The following TRIM29 variants were observed in gnomAD, a reference collection of about 807,000 sequenced individuals.
TRIM29 encodes the protein tripartite motif-containing protein 29.
A neutral mutation model predicts 57.3 loss-of-function variants in TRIM29; 52 were observed. That is an observed-to-expected ratio of 0.91 (90% CI 0.73 to 1.14). The LOEUF (loss-of-function observed/expected upper bound fraction) is 1.14. TRIM29 is among the 50% of genes most tolerant of loss of function. The probability of loss-of-function intolerance (pLI) is 0.00; values close to 1 mark genes in which losing one functional copy is unlikely to be tolerated. For synonymous variants in TRIM29, 319 were observed against 316.9 expected (o/e 1.01, Z -0.07); for missense variants, 753 against 774.6 (o/e 0.97, Z 0.33).
intron 5 of TRIM29, 195 bp from the exon 6 acceptor site, chr11:120,120,860 A>G (rs927828738): frequency 6.6e-5 from 45 of 681,090 alleles, no homozygotes; most frequent in African/African-American, 6.5e-4. Flanking sequence ...GGACTCTGTT[A>G]GTAACCGTGC....
intron 6 of TRIM29, among the ~76,000 whole-genome samples, chr11:120,120,176 G>A (rs977811960): frequency 5.0e-5 from 6 of 120,342 alleles, no homozygotes; most frequent in Non-Finnish European, 7.7e-5. Flanking sequence ...TACTTGTGGG[G>A]GGGGTGGCGC....
intron 6 of TRIM29, among the ~76,000 whole-genome samples, chr11:120,120,080 C>A (rs551324254): frequency 6.6e-6 from 1 of 152,204 alleles, no homozygotes; most frequent in South Asian, 2.1e-4. Flanking sequence ...CCAGTCACAG[C>A]CAAGTTGACA....
Position 120,122,909 on chromosome 11 carries a change from G to A in TRIM29, c.1435+45C>T, listed in dbSNP as rs745483912. The A allele has an allele frequency of 1.4e-5, 22 of 1,567,674 alleles. No individual in the cohort carries two copies. The South Asian group carries it at 1.6e-4, about 11-fold the overall frequency. ...CTGCACGGACTTTGGGGGCCCCTGG[G>A]CAGCAGGAGAGACACTAGGTCTGGG... On this transcript the variant is annotated intron_variant, in intron 5 of 8. Transcript: ENST00000341846.
rs1473480960 is a variant in TRIM29 at position 120,112,232 on chromosome 11, T to G, written c.*182A>C. 2 of 591,776 alleles carry G rather than the reference T, an allele frequency of 3.4e-6. No individual in the cohort carries two copies. Among genetic ancestry groups the G allele is most frequent in the Non-Finnish European group, 5.9e-6 (2 of 339,232 alleles). The allele number at this position is 591,776 out of a possible 1,614,324, so 36.7% of individuals were successfully genotyped here. ...AGGCAGGAAAGGAGTCTGAATGGAG[T>G]GTGGCCAGTGGGGAAGTCGGAGAGG... On this transcript the variant is annotated 3_prime_UTR_variant, in exon 9 of 9. Coordinates refer to ENST00000341846, the MANE Select transcript of TRIM29 (RefSeq NM_012101.4).
At chr11:120,118,166 C>G (rs974565182) in intron 7 of TRIM29, 57 bp downstream of exon 7, 120 of 1,500,632 alleles carry the variant, frequency 8.0e-5, no homozygotes, top group Non-Finnish European at 1.0e-4. Flanking sequence ...CCAAGCAGGG[C>G]TTGGGAGGTG....
intron 8 of TRIM29, chr11:120,113,727 G>A (rs1863196612): frequency 2.2e-6 from 1 of 455,864 alleles, no homozygotes; most frequent in Non-Finnish European, 4.4e-6. Flanking sequence ...AGCAGAGCCT[G>A]GACCAGGTCT....
At position 120,111,476 on chromosome 11, in the gene TRIM29, G is replaced by C. The variant is rs2075893290; in HGVS notation, c.*938C>G. On this transcript the variant is annotated 3_prime_UTR_variant, in exon 9 of 9. Transcript: ENST00000341846. Reference sequence around the variant, plus strand: ...TGAGCACCCTGATATGCAACATGGGGGGTAATCAGAAGGAGGAGGCAGCCT... The same window carrying C: ...TGAGCACCCTGATATGCAACATGGGCGGTAATCAGAAGGAGGAGGCAGCCT... The C allele has an allele frequency of 6.6e-6, 1 of 152,290 alleles. No individual in the cohort carries two copies. The highest frequency in any genetic ancestry group is 2.1e-4 in the South Asian group (1 of 4,824). The allele number at this position is 152,290 out of a possible 1,614,324, so 9.4% of individuals were successfully genotyped here.
At chr11:120,115,936 C>G (rs1863256437) in intron 7 of TRIM29, 1 of 158,276 alleles carries the variant, frequency 6.3e-6, no homozygotes, top group African/African-American at 2.4e-5. Flanking sequence ...TGAGCCTGGC[C>G]CCGTATCTAT....
intron 6 of TRIM29, 54 bp downstream of exon 6, chr11:120,120,519 G>A: frequency 6.5e-7 from 1 of 1,538,128 alleles, no homozygotes; most frequent in Admixed American, 1.8e-5. Context: ...TGCCCCTCCT[G>A]CCTGCACAGC....
In TRIM29 at chr11:120,137,330, G is replaced by A; in HGVS notation, c.702C>T (p.Leu234=). The change falls in exon 1 of 9, where the codon CTC becomes CTT. Residue 234 remains leucine (L), a synonymous_variant. Coordinates refer to ENST00000341846, the MANE Select transcript of TRIM29 (RefSeq NM_012101.4). This position sits in a 1 kb window ranked among gnomAD's most constrained non-coding sequence, Gnocchi z 6.2. ...TGCAGGTCTGGTCGGTCTGGCAGAA[G>A]AGCTCCATCGTCTTGCCATGCACGG... ...KCPVHGKTME[L]FCQTDQTCIC... is the part of the protein sequence containing the mutation. 6.2e-7 allele frequency: 1 copy of A among 1,614,090 alleles called. No individual in the cohort carries two copies. Among genetic ancestry groups the A allele is most frequent in the Non-Finnish European group, 8.5e-7 (1 of 1,180,020 alleles).
chr11:120,121,721 C>T, intron 5 of TRIM29: 1 of 252,552 alleles, frequency 4.0e-6, no homozygotes, highest in South Asian at 4.4e-5. Context: ...CTGCTGTTCC[C>T]TCCACCCCCT....
At chr11:120,120,723 G>T in intron 5 of TRIM29, 58 bp from the exon 6 acceptor site, 1 of 1,554,774 alleles carries the variant, frequency 6.4e-7, no homozygotes, top group Non-Finnish European at 8.8e-7. Flanking sequence ...AGGACTCCTT[G>T]CCCCCAAAAA....
chr11:120,118,950 G>A (rs144429507), intron 6 of TRIM29: 2 of 152,396 alleles, frequency 1.3e-5, no homozygotes, highest in Non-Finnish European at 2.9e-5. Flanking sequence ...ACGTGAACTG[G>A]GAATGTGCCT....
chr11:120,127,076 A>G (rs1260026499), intron 3 of TRIM29, among the ~76,000 whole-genome samples: 1 of 152,190 alleles, frequency 6.6e-6, no homozygotes, highest in African/African-American at 2.4e-5. Context: ...AGCACATATC[A>G]ATTGAAGTTG....
intron 1 of TRIM29, 173 bp from the exon 2 acceptor site, chr11:120,128,668 T>C (rs1407844672): frequency 6.5e-7 from 1 of 1,534,230 alleles, no homozygotes; most frequent in Non-Finnish European, 8.7e-7. Flanking sequence ...CCAGGCACCA[T>C]GCCAGTCGCC....
Position 120,128,279 on chromosome 11 carries a change from A to T in TRIM29, c.900+121T>A, listed in dbSNP as rs1404981346. 6.4e-6 allele frequency: 5 copies of T among 775,494 alleles called. 1 individual carries two copies. In the South Asian group the frequency reaches 8.7e-5, roughly 14 times the overall value. 48.0% of individuals were successfully genotyped at this position (775,494 alleles called of 1,614,324 possible). A position where few individuals can be genotyped will look rare whatever the true frequency, so the allele number is the denominator to read the frequency against. ...AATGTCAGAGGAGGTGGGAGAAGCC[A>T]GAAGAAACATATTGGGATGTCTACG... On this transcript the variant is annotated intron_variant, in intron 2 of 8. Transcript: ENST00000341846.
intron 4 of TRIM29, 66 bp from the exon 5 acceptor site, chr11:120,123,121 T>A: frequency 7.0e-7 from 1 of 1,427,738 alleles, no homozygotes; most frequent in South Asian, 1.1e-5. Context: ...CACTGGGGAC[T>A]TTTGGGGCTC....
chr11:120,137,819 C>G lies in TRIM29; in HGVS notation c.213G>C (p.Ala71=), dbSNP rs551223628. Residue 71 remains alanine (A), a synonymous_variant, in exon 1 of 9, where the codon GCG becomes GCC. Coordinates refer to ENST00000341846, the MANE Select transcript of TRIM29 (RefSeq NM_012101.4). The surrounding 1 kb of genome is among the most constrained non-coding windows in gnomAD (Gnocchi z 6.2). ...KPGEGRSALF[A]GNEWRRPIIQ... ...TGATGGGTCGCCGCCACTCATTGCCCGCGAACAGGGCGCTCCTACCTTCCC... is the reference window on the plus strand; with the variant it reads ...TGATGGGTCGCCGCCACTCATTGCCGGCGAACAGGGCGCTCCTACCTTCCC... The G allele has an allele frequency of 1.9e-5, 31 of 1,612,602 alleles. No homozygotes were observed. In the South Asian group the frequency reaches 3.1e-4, roughly 16 times the overall value.
chr11:120,114,027 C>A (rs1292416046), intron 8 of TRIM29, among the ~76,000 whole-genome samples: 1 of 152,050 alleles, frequency 6.6e-6, no homozygotes, highest in Non-Finnish European at 1.5e-5. Flanking sequence ...ACAAAGGAAT[C>A]ATTTTTCCTC....
Sources: allele counts gnomAD v4.1 joint callset (sites outside exome capture counted in the v4.1 genomes callset), GRCh38; gene constraint gnomAD v4.1.1; non-coding constraint Gnocchi (gnomAD v3.1); transcripts MANE v1.5; gene names NCBI Gene and HGNC (gene_info 2026-07-23, HGNC 2026-07-21).